TXNL1: variants seen among roughly 807,000 people sequenced by gnomAD.
The protein encoded by TXNL1 is thioredoxin like 1, also known as thioredoxin-like protein 1.
In TXNL1, 14 loss-of-function variants were observed where a neutral mutation model predicts 35.5. The observed-to-expected ratio is 0.39, with a 90% CI of 0.26 to 0.62. The LOEUF is 0.62. Ranked by LOEUF, TXNL1 falls within the 20% of genes least tolerant of loss-of-function variation. The probability of loss-of-function intolerance (pLI) is 0.47; values close to 1 mark genes in which losing one functional copy is unlikely to be tolerated. For synonymous variants in TXNL1, 110 were observed against 115.5 expected (o/e 0.95, Z 0.31); for missense variants, 263 against 349.7 (o/e 0.75, Z 1.98).
chr18:56,618,183 T>A, intron 3 of TXNL1, 57 bp from the exon 4 acceptor site: 2 of 1,530,316 alleles, frequency 1.3e-6, no homozygotes, highest in Non-Finnish European at 8.9e-7. Flanking sequence ...TAAAAATGTT[T>A]AAAAAATTTA....
chr18:56,629,265 C>T (rs1194583253), intron 1 of TXNL1, among the ~76,000 whole-genome samples: 4 of 152,234 alleles, frequency 2.6e-5, no homozygotes, highest in African/African-American at 9.6e-5. Context: ...CGCTGGCTCA[C>T]GCCTATAATC....
chr18:56,617,958 A>C lies in TXNL1; in HGVS notation c.492+46T>G, dbSNP rs748642339. ...ATGGGAACAAGAAACAAGAGCAGGC[A>C]TAAATAGTGATAATCTCCACAAGCT... On this transcript the variant is annotated intron_variant, in intron 4 of 7. Transcript: ENST00000217515. The C allele has an allele frequency of 2.5e-6, 4 of 1,607,970 alleles. No homozygotes were observed. The South Asian group carries it at 3.3e-5, about 13-fold the overall frequency.
chr18:56,615,661 C>T (rs2024074370), intron 5 of TXNL1, among the ~76,000 whole-genome samples: 1 of 152,040 alleles, frequency 6.6e-6, no homozygotes, highest in South Asian at 2.1e-4. Context: ...TTCTAAAATA[C>T]GGCTGCTCAA....
chr18:56,625,736 C>G (rs549890485), intron 2 of TXNL1, among the ~76,000 whole-genome samples: 11 of 152,322 alleles, frequency 7.2e-5, no homozygotes, highest in African/African-American at 2.6e-4. Flanking sequence ...AAAGATAAAG[C>G]TGCAGAGCTA....
At position 56,626,378 on chromosome 18, in the gene TXNL1, C is replaced by T. The variant is rs780790609; in HGVS notation, c.178G>A (p.Asp60Asn). The T allele has an allele frequency of 8.1e-6, 13 of 1,612,904 alleles. No homozygotes were observed. Among genetic ancestry groups the T allele is most frequent in the African/African-American group, 1.3e-5 (1 of 74,886 alleles). Reference sequence around the variant, plus strand: ...TCCCTTACCTGACACTGATGTACATCGACTTCCAAGAAAACAGCCTGTGGA... The same window carrying T: ...TCCCTTACCTGACACTGATGTACATTGACTTCCAAGAAAACAGCCTGTGGA... ...KYPQAVFLEVDVHQCQGTAAT... is the reference protein window; with the variant it reads ...KYPQAVFLEVNVHQCQGTAAT... Residue 60 changes from aspartate (D) to asparagine (N), a missense_variant, in exon 2 of 8, where the codon GAT (aspartate) becomes AAT (asparagine). Asp to Asn is a conservative substitution (Grantham distance 23). Coordinates refer to ENST00000217515, the MANE Select transcript of TXNL1 (RefSeq NM_004786.3).
chr18:56,633,589 C>T (rs1458133592), intron 1 of TXNL1, among the ~76,000 whole-genome samples: 3 of 142,098 alleles, frequency 2.1e-5, no homozygotes, highest in African/African-American at 8.0e-5. Flanking sequence ...CACTGTACTG[C>T]AGCCTGAGCA....
At chr18:56,606,999 T>C (rs998278398) in intron 7 of TXNL1, among the ~76,000 whole-genome samples, 6 of 152,304 alleles carry the variant, frequency 3.9e-5, no homozygotes, top group Middle Eastern at 3.4e-3. Flanking sequence ...TTTATTTTTC[T>C]TTCTTTTTGA....
chr18:56,628,330 T>C (rs2024319211), intron 1 of TXNL1, among the ~76,000 whole-genome samples: 1 of 152,086 alleles, frequency 6.6e-6, no homozygotes, highest in South Asian at 2.1e-4. Flanking sequence ...CACCAACCCA[T>C]CAAAATTCCT....
At position 56,638,526 on chromosome 18, in the gene TXNL1, G is replaced by A. The variant is rs681176; in HGVS notation, c.-86C>T. On this transcript the variant is annotated 5_prime_UTR_variant, in exon 1 of 8. Coordinates refer to ENST00000217515, the MANE Select transcript of TXNL1 (RefSeq NM_004786.3). The stretch of plus-strand genomic sequence containing the variant: ...ACGATCTGGGAGAGGAAGGAGAGAT[G>A]CTCAGGAAGGCCGAGGCCTGGACAG... 161,287 of 1,379,278 alleles carry A rather than the reference G, an allele frequency of 0.12. 10,492 individuals are homozygous for A. The highest frequency in any genetic ancestry group is 0.13 in the Non-Finnish European group (133,136 of 1,010,760). The allele number at this position is 1,379,278 out of a possible 1,614,324, so 85.4% of individuals were successfully genotyped here.
chr18:56,632,638 A>T (rs1045908320), intron 1 of TXNL1, among the ~76,000 whole-genome samples: 2 of 152,260 alleles, frequency 1.3e-5, no homozygotes, highest in African/African-American at 4.8e-5. Context: ...GTAGCCAGAC[A>T]AACTACATAA....
At chr18:56,616,667 T>C (rs939460675) in intron 4 of TXNL1, among the ~76,000 whole-genome samples, 1 of 152,286 alleles carries the variant, frequency 6.6e-6, no homozygotes, top group East Asian at 1.9e-4. Context: ...TTTTAGCACA[T>C]AGCTCTACGA....
chr18:56,632,846 T>A (rs945834202), intron 1 of TXNL1, among the ~76,000 whole-genome samples: 1 of 152,216 alleles, frequency 6.6e-6, no homozygotes, highest in Non-Finnish European at 1.5e-5. Context: ...GGCTTCAATA[T>A]GCCCTAGTCT....
At chr18:56,626,963 C>A (rs28655902) in intron 1 of TXNL1, among the ~76,000 whole-genome samples, 1,964 of 150,898 alleles carry the variant, frequency 0.013, 40 homozygotes, top group African/African-American at 0.046. Flanking sequence ...TGCCACCACA[C>A]CCAGCTACCA....
chr18:56,617,279 T>C lies in TXNL1; in HGVS notation c.492+725A>G, dbSNP rs148090355. On this transcript the variant is annotated intron_variant, in intron 4 of 7. Transcript: ENST00000217515. ...ATAGTGTATCAAAAAATAATAAGCA[T>C]GACATTATTAGGGAACTGAACTGTA... Among the ~76,000 whole-genome samples, 327 of 152,286 alleles carry C rather than the reference T, an allele frequency of 2.1e-3. 2 individuals are homozygous for C. The highest frequency in any genetic ancestry group is 0.014 in the Middle Eastern group (4 of 294).
chr18:56,625,344 T>G (rs971930984), intron 2 of TXNL1, among the ~76,000 whole-genome samples: 1 of 152,100 alleles, frequency 6.6e-6, no homozygotes, highest in Non-Finnish European at 1.5e-5. Flanking sequence ...AAAATCAAGT[T>G]TAATATTACA....
chr18:56,615,171 A>T (rs2024063860), intron 5 of TXNL1, among the ~76,000 whole-genome samples: 1 of 152,162 alleles, frequency 6.6e-6, no homozygotes, highest in Non-Finnish European at 1.5e-5. Flanking sequence ...AGAATGCCTT[A>T]ATCCCTTTAA....
chr18:56,633,800 A>G (rs910504817), intron 1 of TXNL1, among the ~76,000 whole-genome samples: 4 of 151,694 alleles, frequency 2.6e-5, no homozygotes, highest in Non-Finnish European at 5.9e-5. Context: ...CCTGACCAAC[A>G]TGGTGAAACC....
intron 1 of TXNL1, among the ~76,000 whole-genome samples, chr18:56,634,225 T>C (rs1223270245): frequency 1.3e-5 from 2 of 152,150 alleles, no homozygotes; most frequent in East Asian, 3.9e-4. Flanking sequence ...GTGTAAATTA[T>C]TTAAGGAAAG....
chr18:56,634,434 C>G (rs1157005323), intron 1 of TXNL1, among the ~76,000 whole-genome samples: 1 of 152,124 alleles, frequency 6.6e-6, no homozygotes, highest in African/African-American at 2.4e-5. Flanking sequence ...TAGGGTTATT[C>G]TGAGGAATGA....
Sources: gnomAD v4.1 joint callset for allele counts (sites outside exome capture counted in the v4.1 genomes callset) on GRCh38, gnomAD v4.1.1 for gene constraint, MANE v1.5 for transcripts, NCBI Gene and HGNC (gene_info 2026-07-23, HGNC 2026-07-21) for gene names.